PWWP2A: variants seen among roughly 807,000 people sequenced by gnomAD.
PWWP2A encodes the protein PWWP domain containing 2A.
A neutral mutation model predicts 48.5 loss-of-function variants in PWWP2A; 18 were observed. That is an observed-to-expected ratio of 0.37 (90% confidence interval 0.26 to 0.55). PWWP2A has a LOEUF of 0.55. Among genes scored for constraint, PWWP2A ranks in the 20% least tolerant of loss-of-function variants. PWWP2A has a pLI of 0.81. For synonymous variants in PWWP2A, 396 were observed against 387.7 expected, an observed-to-expected ratio of 1.02 and a Z score of -0.25; for missense variants, 867 against 976.4, an observed-to-expected ratio of 0.89 and a Z score of 1.49.
chr5:160,044,528 G>A, the PWWP2A span, among the ~76,000 whole-genome samples: 2 of 152,188 alleles, frequency 1.3e-5, no homozygotes, highest in Non-Finnish European at 2.9e-5. Context: ...AATATATAGG[G>A]TAACTTCTGA....
downstream of PWWP2A, among the ~76,000 whole-genome samples, chr5:160,071,052 G>A (rs764970487): frequency 2.0e-5 from 3 of 152,140 alleles, no homozygotes; most frequent in Non-Finnish European, 4.4e-5. Context: ...AGCCAGGCAT[G>A]GTGGTACACA....
In PWWP2A at chr5:160,078,556, G is replaced by T. The variant is rs1754011596; in HGVS notation, c.1670-388C>A. 6.6e-6 allele frequency among the ~76,000 whole-genome samples: 1 copy of T among 152,066 alleles called. No individual in the cohort carries two copies. The highest frequency in any genetic ancestry group is 1.5e-5 in the Non-Finnish European group (1 of 68,012). ...GCTCTGAGAGTCAGCTTAGTTGCTG[G>T]GGACTGCTATGAAGCACCAACAGCC... On this transcript the variant is annotated intron_variant, in intron 3 of 3. Coordinates refer to the PWWP2A transcript ENST00000456329. The surrounding 1 kb of genome is among the most constrained non-coding windows in gnomAD (Gnocchi z 4.2).
At chr5:160,071,209 TTAG>T (rs1753731873), downstream of PWWP2A, among the ~76,000 whole-genome samples, 1 of 152,104 alleles carries the variant, frequency 6.6e-6, no homozygotes, top group African/African-American at 2.4e-5. Context: ...GTTGCCGGGC[TTAG>T]TAGTTATTTC....
chr5:160,114,829 C>G (rs1757946990), intron 1 of PWWP2A, among the ~76,000 whole-genome samples: 1 of 150,042 alleles, frequency 6.7e-6, no homozygotes. Context: ...ACCCCCATCT[C>G]TACAAAAAAT....
chr5:160,109,145 A>G (rs1277476737), intron 1 of PWWP2A, among the ~76,000 whole-genome samples: 1 of 152,046 alleles, frequency 6.6e-6, no homozygotes, highest in East Asian at 1.9e-4. Flanking sequence ...CACCACACCC[A>G]GCTAATTTTT....
chr5:160,082,210 C>T (rs1490953451), intron 2 of PWWP2A, among the ~76,000 whole-genome samples: 3 of 151,916 alleles, frequency 2.0e-5, no homozygotes, highest in African/African-American at 7.3e-5. Context: ...TTTGGGAGGC[C>T]GAGGCGGGTG....
At chr5:160,094,637 A>G (rs1338652173) in intron 1 of PWWP2A, among the ~76,000 whole-genome samples, 1 of 152,190 alleles carries the variant, frequency 6.6e-6, no homozygotes, top group Admixed American at 6.5e-5. Context: ...CAAAACACAA[A>G]AATATCAAGA....
chr5:160,060,399 C>G (rs899682510), downstream of PWWP2A, among the ~76,000 whole-genome samples: 1 of 152,190 alleles, frequency 6.6e-6, no homozygotes. Flanking sequence ...ATCCCTGTCT[C>G]TAAACATTCT....
downstream of PWWP2A, among the ~76,000 whole-genome samples, chr5:160,060,426 G>A (rs995332075): frequency 1.8e-4 from 28 of 152,198 alleles, no homozygotes; most frequent in African/African-American, 6.5e-4. Flanking sequence ...AGCACGAGTA[G>A]TTCTGTACTC....
chr5:160,064,978 C>G, intron 4 of PWWP2A: 1 of 1,613,986 alleles, frequency 6.2e-7, no homozygotes, highest in Non-Finnish European at 8.5e-7. Flanking sequence ...CTTTTGGGCT[C>G]TCCACGGAAA....
chr5:160,118,060 C>A (rs532003215), intron 1 of PWWP2A: 1 of 157,654 alleles, frequency 6.3e-6, no homozygotes, highest in South Asian at 2.0e-4. Context: ...ATGAACTCAA[C>A]CTTCTTGTCC....
chr5:160,096,837 T>C (rs187780360), intron 1 of PWWP2A, among the ~76,000 whole-genome samples: 22 of 152,328 alleles, frequency 1.4e-4, no homozygotes, highest in African/African-American at 5.3e-4. Flanking sequence ...CTTATCTTAA[T>C]GTTTGAGGTG....
At chr5:160,065,904 C>G (rs1306899534) in intron 4 of PWWP2A, among the ~76,000 whole-genome samples, 1 of 152,168 alleles carries the variant, frequency 6.6e-6, no homozygotes, top group East Asian at 1.9e-4. Flanking sequence ...CTAGAGGTGT[C>G]AAAGATAGAA....
At chr5:160,065,737 C>A (rs1753587038) in intron 4 of PWWP2A, among the ~76,000 whole-genome samples, 1 of 152,156 alleles carries the variant, frequency 6.6e-6, no homozygotes, top group Non-Finnish European at 1.5e-5. Flanking sequence ...TCAGAAAGTC[C>A]ACCTTACAAG....
intron 1 of PWWP2A, among the ~76,000 whole-genome samples, chr5:160,112,206 T>C (rs1476916076): frequency 6.7e-6 from 1 of 148,200 alleles, no homozygotes; most frequent in Non-Finnish European, 1.5e-5. Flanking sequence ...AGCTAGAGAA[T>C]GCATGCTTCA....
chr5:160,057,966 C>A (rs1757586995), downstream of PWWP2A, among the ~76,000 whole-genome samples: 1 of 152,180 alleles, frequency 6.6e-6, no homozygotes, highest in Non-Finnish European at 1.5e-5. This position sits in a 1 kb window ranked among gnomAD's most constrained non-coding sequence, Gnocchi z 4.4. Flanking sequence ...GGGTTTTCAC[C>A]ATGTTGGCCA....
the PWWP2A span, chr5:160,051,222 A>G: frequency 1.9e-6 from 3 of 1,557,276 alleles, no homozygotes. Flanking sequence ...ATAAACAGCT[A>G]GGAACCTAGG....
At position 160,119,073 on chromosome 5, in the gene PWWP2A, C is replaced by T. The variant is rs762793177; in HGVS notation, c.316G>A (p.Ala106Thr). 24 of 1,588,594 alleles carry T rather than the reference C, an allele frequency of 1.5e-5. No individual in the cohort carries two copies. In the South Asian group the frequency reaches 2.4e-4, roughly 16 times the overall value. ...GGAAGTTCCGGCCCTCCCTGAGGCG[C>T]GGCTGCCGCCGACTCCGCCACCCGA... is the stretch of plus-strand genomic sequence containing the variant. ...SVRVAESAAA[A>T]PQGGPELPPS... Residue 106 changes from alanine to threonine, a missense_variant, in exon 1 of 2, where the codon GCG (alanine) becomes ACG (threonine). Coordinates refer to ENST00000307063, the MANE Select transcript of PWWP2A (RefSeq NM_001130864.2).
chr5:160,072,919 A>G (rs935888910), downstream of PWWP2A, among the ~76,000 whole-genome samples: 1 of 147,598 alleles, frequency 6.8e-6, no homozygotes, highest in African/African-American at 2.5e-5. Context: ...TGGGAGAATC[A>G]CTTGAACCTG....
Sources: allele counts gnomAD v4.1 joint callset (sites outside exome capture counted in the v4.1 genomes callset), GRCh38; gene constraint gnomAD v4.1.1; non-coding constraint Gnocchi (gnomAD v3.1); transcripts MANE v1.5; gene names NCBI Gene and HGNC (gene_info 2026-07-23, HGNC 2026-07-21).